The following USO1 variants were observed in gnomAD, a reference collection of about 807,000 sequenced individuals.
USO1 encodes the protein USO1 vesicle transport factor, also known as general vesicular transport factor p115.
USO1 carries 57 observed loss-of-function variants against 124.5 expected under a neutral mutation model. The observed-to-expected ratio is 0.46, with a 90% CI of 0.37 to 0.57. The LOEUF (loss-of-function observed/expected upper bound fraction) is 0.57, where lower values mean the gene tolerates loss of function less well. USO1 is among the 20% of genes least tolerant of loss of function. USO1 has a pLI of 0.00. For missense variants in USO1, 900 were observed against 1,040.6 expected (o/e 0.86, Z 1.86); for synonymous variants, 369 against 362.8 (o/e 1.02, Z -0.19).
At chr4:75,746,377 C>G (rs755054628) in intron 1 of USO1, among the ~76,000 whole-genome samples, 14 of 152,126 alleles carry the variant, frequency 9.2e-5, no homozygotes, top group Non-Finnish European at 1.6e-4. Flanking sequence ...CGTCTAGTAA[C>G]TGAAAGGAAG....
chr4:75,746,333 G>A (rs1012847421), intron 1 of USO1, among the ~76,000 whole-genome samples: 1 of 152,190 alleles, frequency 6.6e-6, no homozygotes, highest in African/African-American at 2.4e-5. Context: ...TAGGATATAG[G>A]TGGACAGTCA....
At position 75,800,004 on chromosome 4, in the gene USO1, C is replaced by T. The variant is rs548975156; in HGVS notation, c.1563+272C>T. ...TGTCGCCCAGGCTGGAGTGTAGTGG[C>T]GCGATCTCGGCTCACTGCAACTTCC... is the stretch of plus-strand genomic sequence containing the variant. On this transcript the variant is annotated intron_variant, in intron 14 of 23. Coordinates refer to ENST00000514213, the MANE Select transcript of USO1 (RefSeq NM_003715.4). Among the ~76,000 whole-genome samples, 42 of 150,274 alleles carry T rather than the reference C, an allele frequency of 2.8e-4. 1 individual carries two copies. The highest frequency in any genetic ancestry group is 7.8e-4 in the African/African-American group (32 of 40,884).
chr4:75,785,463 C>T (rs1396994891), intron 9 of USO1, among the ~76,000 whole-genome samples: 1 of 152,012 alleles, frequency 6.6e-6, no homozygotes, highest in African/African-American at 2.4e-5. Flanking sequence ...CCAGAAAGTT[C>T]ATAACCTTAT....
intron 10 of USO1, among the ~76,000 whole-genome samples, chr4:75,787,958 ATATGCT>A (rs1284548661): frequency 6.6e-6 from 1 of 151,994 alleles, no homozygotes; most frequent in African/African-American, 2.4e-5. Flanking sequence ...GCATAGGTAT[ATATGCT>A]TAATAATCAT....
intron 7 of USO1, among the ~76,000 whole-genome samples, chr4:75,773,281 T>A (rs1405596301): frequency 6.6e-6 from 1 of 152,198 alleles, no homozygotes; most frequent in Non-Finnish European, 1.5e-5. Context: ...TTTGTTGTAA[T>A]GTCTGGATTA....
chr4:75,805,362 C>T, intron 19 of USO1, 59 bp downstream of exon 19: 1 of 1,440,738 alleles, frequency 6.9e-7, no homozygotes, highest in Non-Finnish European at 9.1e-7. Context: ...CATTATCCTG[C>T]CTTTTTTTTT....
intron 1 of USO1, among the ~76,000 whole-genome samples, chr4:75,739,302 A>G (rs895675928): frequency 7.9e-5 from 12 of 152,236 alleles, no homozygotes; most frequent in African/African-American, 2.9e-4. Flanking sequence ...TCTTACTTGC[A>G]AATTCACCTA....
In USO1 at chr4:75,810,521, A is replaced by G. The variant is rs577634960; in HGVS notation, c.2565A>G (p.Gln855=). Residue 855 remains glutamine (Q), a synonymous_variant, in exon 22 of 24, where the codon CAA becomes CAG. Coordinates refer to ENST00000514213, the MANE Select transcript of USO1 (RefSeq NM_003715.4). The part of the protein sequence containing the change: ...DVEGRLSALL[Q]ETKELKNEIK... ...AAGGAAGACTGTCAGCATTATTACA[A>G]GAGACCAAAGAGTTAAAGGTTTGTT... 6.2e-7 allele frequency: 1 copy of G among 1,611,600 alleles called. No individual in the cohort carries two copies. Among genetic ancestry groups the G allele is most frequent in the African/African-American group, 1.3e-5 (1 of 74,994 alleles).
chr4:75,740,513 C>T, intron 1 of USO1, among the ~76,000 whole-genome samples: 1 of 152,184 alleles, frequency 6.6e-6, no homozygotes, highest in Admixed American at 6.6e-5. Flanking sequence ...ATCACAAATT[C>T]CTGGCTTCAA....
chr4:75,788,167 A>AT (rs199567246), intron 10 of USO1, among the ~76,000 whole-genome samples: 27 of 92,992 alleles, frequency 2.9e-4, no homozygotes, highest in African/African-American at 7.9e-4. Context: ...TTATTTATTT[A>AT]TTTATTTTTT....
At chr4:75,803,368 C>T (rs975033937) in intron 17 of USO1, among the ~76,000 whole-genome samples, 7 of 151,842 alleles carry the variant, frequency 4.6e-5, no homozygotes, top group African/African-American at 1.7e-4. Flanking sequence ...AAAATTCTGG[C>T]CGGGCACGGT....
At chr4:75,726,281 CAA>C (rs1182405273) in intron 1 of USO1, among the ~76,000 whole-genome samples, 90 of 75,474 alleles carry the variant, frequency 1.2e-3, no homozygotes, top group African/African-American at 3.2e-3. Context: ...AACTCTGTCT[CAA>C]AAAAAAAAAA....
chr4:75,801,093 G>C lies in USO1; in HGVS notation c.1879G>C (p.Ala627Pro). The C allele has an allele frequency of 1.3e-6, 2 of 1,574,708 alleles. No homozygotes were observed. Among genetic ancestry groups the C allele is most frequent in the Non-Finnish European group, 1.7e-6 (2 of 1,161,042 alleles). ...TCCTTTTATAGGTGTTATAACTAAG[G>C]CTATTTATAAGTCCAGTGAAGAAGA... ...VKELEGVITK[A>P]IYKSSEEDKK... Residue 627 changes from alanine (A) to proline (P), a missense_variant, in exon 17 of 24, where the codon GCT becomes CCT. Physicochemically the swap from Ala to Pro is conservative, Grantham distance 27. Transcript: ENST00000514213.
intron 4 of USO1, among the ~76,000 whole-genome samples, chr4:75,765,832 T>C (rs527834818): frequency 2.4e-4 from 37 of 152,318 alleles, no homozygotes; most frequent in African/African-American, 8.4e-4. Context: ...CTAGTTATGT[T>C]TGAGTATTAG....
chr4:75,724,635 C>T lies in USO1; in HGVS notation c.-185C>T. The stretch of plus-strand genomic sequence containing the variant: ...ATGCCACGTCCCCGCGCATGCGCAT[C>T]TTGGCCGCTGCTGGCGGCTGTTTCC... On this transcript the variant is annotated 5_prime_UTR_variant, in exon 1 of 24. Transcript: ENST00000514213. The T allele has an allele frequency of 6.7e-6, 4 of 601,226 alleles. No individual in the cohort carries two copies. The highest frequency in any genetic ancestry group is 6.1e-5 in the South Asian group (3 of 49,094). The allele number at this position is 601,226 out of a possible 1,614,324, so 37.2% of individuals were successfully genotyped here.
chr4:75,764,856 G>A (rs1297332441), intron 4 of USO1, among the ~76,000 whole-genome samples: 2 of 152,098 alleles, frequency 1.3e-5, no homozygotes, highest in East Asian at 3.9e-4. Flanking sequence ...GAAAAAACCT[G>A]AAGATTGGCA....
rs2149197697 is a variant in USO1, at chr4:75,811,681, T to C, written c.2584-479T>C. On this transcript the variant is annotated intron_variant, in intron 22 of 23. Transcript: ENST00000514213. Reference sequence around the variant, plus strand: ...AAGGAAAATAATGTATAATTGTGCTTTTTGGATTGTGGCCAAATTATTTTA... The same window carrying C: ...AAGGAAAATAATGTATAATTGTGCTCTTTGGATTGTGGCCAAATTATTTTA... Among the ~76,000 whole-genome samples, 3 of 152,340 alleles carry C rather than the reference T, an allele frequency of 2.0e-5. 1 individual carries two copies. The South Asian group carries it at 6.2e-4, about 32-fold the overall frequency.
intron 4 of USO1, among the ~76,000 whole-genome samples, chr4:75,762,223 T>A (rs984364920): frequency 7.4e-6 from 1 of 135,086 alleles, no homozygotes; most frequent in African/African-American, 2.9e-5. Context: ...CAGGCTAGGG[T>A]GCAGTGGCAC....
intron 12 of USO1, among the ~76,000 whole-genome samples, chr4:75,792,214 A>G (rs1292366182): frequency 6.6e-6 from 1 of 152,102 alleles, no homozygotes; most frequent in Non-Finnish European, 1.5e-5. Flanking sequence ...AGCTTGGGCA[A>G]CATAGTGAAA....
Sources: gnomAD v4.1 joint callset for allele counts (sites outside exome capture counted in the v4.1 genomes callset) on GRCh38, gnomAD v4.1.1 for gene constraint, MANE v1.5 for transcripts, NCBI Gene and HGNC (gene_info 2026-07-23, HGNC 2026-07-21) for gene names.